The following SHMT1 variants were observed in gnomAD, a reference collection of about 807,000 sequenced individuals.
SHMT1 encodes serine hydroxymethyltransferase 1, also known as serine hydroxymethyltransferase, cytosolic.
In SHMT1, 45 loss-of-function variants were observed where a neutral mutation model predicts 49.0. That is an observed-to-expected ratio of 0.92 (90% CI 0.72 to 1.18). SHMT1 has a LOEUF of 1.18. Ranked by LOEUF, SHMT1 falls within the 50% of genes most tolerant of loss-of-function variation. The pLI is 0.00. For missense variants in SHMT1, 541 were observed against 612.4 expected (o/e 0.88, Z 1.23); for synonymous variants, 232 against 246.6 (o/e 0.94, Z 0.55).
intron 7 of SHMT1, among the ~76,000 whole-genome samples, chr17:18,336,297 A>G (rs1983784579): frequency 6.6e-6 from 1 of 151,412 alleles, no homozygotes; most frequent in Non-Finnish European, 1.5e-5. Flanking sequence ...AAAGAAAAAA[A>G]AAGGACAGAA....
intron 1 of SHMT1, among the ~76,000 whole-genome samples, chr17:18,358,179 G>A (rs1484472031): frequency 2.9e-5 from 4 of 138,246 alleles, no homozygotes; most frequent in South Asian, 5.3e-4. Flanking sequence ...ACTAAAGAAA[G>A]AAAAACGACG....
chr17:18,337,696 C>T (rs962793477), intron 7 of SHMT1, among the ~76,000 whole-genome samples: 5 of 152,236 alleles, frequency 3.3e-5, no homozygotes, highest in Admixed American at 2.6e-4. Flanking sequence ...CTCAGCCTGC[C>T]GAGTGCCTGG....
intron 7 of SHMT1, among the ~76,000 whole-genome samples, chr17:18,336,480 A>T (rs1006072175): frequency 1.3e-5 from 2 of 152,040 alleles, no homozygotes; most frequent in Non-Finnish European, 2.9e-5. Context: ...AGCTGGGTCA[A>T]CATAGTGAAA....
chr17:18,337,737 G>C (rs2151574493), intron 7 of SHMT1, among the ~76,000 whole-genome samples: 1 of 152,332 alleles, frequency 6.6e-6, no homozygotes. Context: ...ACGCCTGACT[G>C]GTTTTCGTAT....
In SHMT1 at chr17:18,333,229, C is replaced by A. The variant is rs1487530240; in HGVS notation, c.991G>T (p.Val331Leu). The change falls in exon 9 of 12, where the codon GTG (valine) becomes TTG (leucine). Residue 331 changes from valine (V) to leucine (L), a missense_variant. By Grantham distance (32) the Val-to-Leu change is conservative (BLOSUM62 1). Coordinates refer to ENST00000316694, the MANE Select transcript of SHMT1 (RefSeq NM_004169.5). ...GACAGAGCCCTGCAGTTGGCCACCA[C>A]CTGGTGTTGATAAACTTTAAATTCC... Reference protein sequence around the residue: ...TLEFKVYQHQVVANCRALSEA... With the variant: ...TLEFKVYQHQLVANCRALSEA... 6.2e-7 allele frequency: 1 copy of A among 1,613,960 alleles called. No homozygotes were observed. Among genetic ancestry groups the A allele is most frequent in the East Asian group, 2.2e-5 (1 of 44,886 alleles).
At chr17:18,333,919 A>G (rs1983515076) in intron 8 of SHMT1, among the ~76,000 whole-genome samples, 1 of 152,012 alleles carries the variant, frequency 6.6e-6, no homozygotes. Context: ...AGGTGGGACT[A>G]CAGGTGCATC....
At chr17:18,353,389 C>T in intron 3 of SHMT1, 2 of 449,284 alleles carry the variant, frequency 4.5e-6, no homozygotes, top group Admixed American at 6.9e-5. Flanking sequence ...AGACAGAGGC[C>T]ACACACCAGT....
chr17:18,358,543 G>A (rs1176681982), intron 1 of SHMT1, among the ~76,000 whole-genome samples: 1 of 152,108 alleles, frequency 6.6e-6, no homozygotes, highest in Non-Finnish European at 1.5e-5. Flanking sequence ...CACAGAGGCA[G>A]GACTCGAAAC....
At position 18,328,361 on chromosome 17, in the gene SHMT1, C is replaced by T. The variant is rs1982787161; in HGVS notation, c.*389G>A. On this transcript the variant is annotated 3_prime_UTR_variant, in exon 12 of 12. Coordinates refer to ENST00000316694, the MANE Select transcript of SHMT1 (RefSeq NM_004169.5). The stretch of plus-strand genomic sequence containing the variant: ...AGTGTGTACAAGCTGTGGACATGGG[C>T]ATTTCCTCTCTGTTGCAGCAAGGCG... 1.0e-4 allele frequency: 30 copies of T among 290,068 alleles called. No individual in the cohort carries two copies. Among genetic ancestry groups the T allele is most frequent in the South Asian group, 9.9e-4 (30 of 30,218 alleles). 18.0% of individuals were successfully genotyped at this position (290,068 alleles called of 1,614,324 possible). A position where few individuals can be genotyped will look rare whatever the true frequency, so the allele number is the denominator to read the frequency against.
chr17:18,356,942 T>C (rs191888160), intron 1 of SHMT1, among the ~76,000 whole-genome samples: 55 of 152,222 alleles, frequency 3.6e-4, no homozygotes, highest in Non-Finnish European at 6.6e-4. Context: ...GACTGAGTGC[T>C]ACTTTTTAAA....
In SHMT1 at chr17:18,340,956, C is replaced by A; in HGVS notation, c.520-143G>T. 1.4e-6 allele frequency: 1 copy of A among 700,892 alleles called. No homozygotes were observed. Among genetic ancestry groups the A allele is most frequent in the Non-Finnish European group, 2.6e-6 (1 of 387,884 alleles). 43.4% of individuals were successfully genotyped at this position (700,892 alleles called of 1,614,324 possible). On this transcript the variant is annotated intron_variant, in intron 5 of 11. Transcript: ENST00000316694. The surrounding 1 kb of genome is among the most constrained non-coding windows in gnomAD (Gnocchi z 4.5). ...ACTTGAGGGTGAGACAGGATGGATA[C>A]TGGTGTGTTCAGCCTGCTCAACCAA...
chr17:18,335,755 AG>A, intron 7 of SHMT1, 80 bp from the exon 8 acceptor site: 1 of 1,011,710 alleles, frequency 9.9e-7, no homozygotes, highest in Admixed American at 1.7e-5. Flanking sequence ...CAGACTGGCC[AG>A]GGAAGAATCA....
intron 5 of SHMT1, 63 bp downstream of exon 5, chr17:18,347,433 G>A: frequency 6.3e-7 from 1 of 1,581,414 alleles, no homozygotes; most frequent in Non-Finnish European, 8.7e-7. Flanking sequence ...TACCCCTGCA[G>A]GCACAGCCAA....
chr17:18,341,189 G>A (rs1338309692), intron 5 of SHMT1: 2 of 260,548 alleles, frequency 7.7e-6, no homozygotes, highest in Non-Finnish European at 1.5e-5. Context: ...GTATAATGAG[G>A]CAAGAAAAAG....
intron 1 of SHMT1, among the ~76,000 whole-genome samples, chr17:18,360,184 G>T (rs56018054): frequency 0.096 from 14,589 of 151,926 alleles, 796 homozygotes; most frequent in East Asian, 0.16. Flanking sequence ...AGGAGGTGGA[G>T]GTTGCAGTGA....
At chr17:18,342,212 TAATC>T (rs1288692917) in intron 5 of SHMT1, among the ~76,000 whole-genome samples, 3 of 152,126 alleles carry the variant, frequency 2.0e-5, no homozygotes, top group Non-Finnish European at 4.4e-5. Context: ...AATGTAATAA[TAATC>T]AGTCTGAAAA....
chr17:18,337,566 C>A (rs1227515785), intron 7 of SHMT1, among the ~76,000 whole-genome samples: 1 of 150,928 alleles, frequency 6.6e-6, no homozygotes. Context: ...CTCCCCCTCC[C>A]CCTCCCTCTC....
intron 1 of SHMT1, among the ~76,000 whole-genome samples, 187 bp from the exon 2 acceptor site, chr17:18,356,187 C>T (rs534335986): frequency 4.6e-5 from 7 of 151,772 alleles, no homozygotes; most frequent in Non-Finnish European, 7.4e-5. Context: ...TGACTACAGG[C>T]GCATGCCACC....
rs147946209 is a variant in SHMT1, at chr17:18,330,000, C to T, written c.1171+555G>A. Reference sequence around the variant, plus strand: ...CCTCAGCCTCCTGAGTAGCTGGGACCGTGGTGTGTGCCACCACAGCATTTT... The same window carrying T: ...CCTCAGCCTCCTGAGTAGCTGGGACTGTGGTGTGTGCCACCACAGCATTTT... On this transcript the variant is annotated intron_variant, in intron 10 of 11. Coordinates refer to ENST00000316694, the MANE Select transcript of SHMT1 (RefSeq NM_004169.5). 8.6e-4 allele frequency among the ~76,000 whole-genome samples: 129 copies of T among 150,848 alleles called. 2 individuals carry two copies. The highest frequency in any genetic ancestry group is 5.3e-3 in the South Asian group (25 of 4,746).
Sources: gnomAD v4.1 joint callset for allele counts (sites outside exome capture counted in the v4.1 genomes callset) on GRCh38, gnomAD v4.1.1 for gene constraint, Gnocchi (gnomAD v3.1) non-coding constraint, MANE v1.5 for transcripts, NCBI Gene and HGNC (gene_info 2026-07-23, HGNC 2026-07-21) for gene names.